HOOK3: variants seen among roughly 807,000 people sequenced by gnomAD.
The protein encoded by HOOK3 is protein Hook homolog 3.
HOOK3 carries 24 observed loss-of-function variants against 116.3 expected under a neutral mutation model. That is an observed-to-expected ratio of 0.21 (90% CI 0.15 to 0.29). The LOEUF is 0.29. Among genes scored for constraint, HOOK3 ranks in the 10% least tolerant of loss-of-function variants. The pLI is 1.00. For synonymous variants in HOOK3, 275 were observed against 283.0 expected, an observed-to-expected ratio of 0.97 and a Z score of 0.28; for missense variants, 632 against 830.2, an observed-to-expected ratio of 0.76 and a Z score of 2.93.
rs78679433 is a variant in HOOK3 at position 42,947,623 on chromosome 8, C to T, written c.401-2765C>T. On this transcript the variant is annotated intron_variant, in intron 5 of 21. Coordinates refer to ENST00000307602, the MANE Select transcript of HOOK3 (RefSeq NM_032410.4). ...TCTCATTTGTCTAGATTTAGGACAT[C>T]CTCTGCTCTCAGGAACATAGTAGAG... is the stretch of plus-strand genomic sequence containing the variant. Among the ~76,000 whole-genome samples, 735 of 152,270 alleles carry T rather than the reference C, an allele frequency of 4.8e-3. 11 individuals carry two copies. Among genetic ancestry groups the T allele is most frequent in the African/African-American group, 0.017 (701 of 41,554 alleles).
intron 1 of HOOK3, among the ~76,000 whole-genome samples, chr8:42,905,324 T>G (rs2130320091): frequency 8.7e-6 from 1 of 115,238 alleles, no homozygotes; most frequent in East Asian, 2.5e-4. Context: ...GTTTCTTTTT[T>G]TGGGGGGGGG....
chr8:42,964,494 A>G lies in HOOK3; in HGVS notation c.779+20A>G, dbSNP rs1488678450. 2 of 1,604,392 alleles carry G rather than the reference A, an allele frequency of 1.2e-6. No individual in the cohort carries two copies. The highest frequency in any genetic ancestry group is 2.7e-5 in the African/African-American group (2 of 74,068). On this transcript the variant is annotated intron_variant, in intron 9 of 21. Transcript: ENST00000307602. Reference sequence around the variant, plus strand: ...ATTCAGGTAAAAGACAACTCATTAAAATCTGATTTTTAAAAATTTGTTAGC... The same window carrying G: ...ATTCAGGTAAAAGACAACTCATTAAGATCTGATTTTTAAAAATTTGTTAGC...
At chr8:43,000,125 G>A in intron 16 of HOOK3, 1 of 458,588 alleles carries the variant, frequency 2.2e-6, no homozygotes. Context: ...TCCAGCCTGG[G>A]CAACAGAGCG....
chr8:42,944,452 A>C (rs1648539502), intron 5 of HOOK3, among the ~76,000 whole-genome samples: 1 of 152,110 alleles, frequency 6.6e-6, no homozygotes, highest in Admixed American at 6.6e-5. Context: ...ATTTTGTAGT[A>C]ACATACTCTG....
chr8:42,981,352 C>G (rs1460513788), intron 13 of HOOK3, among the ~76,000 whole-genome samples: 1 of 151,838 alleles, frequency 6.6e-6, no homozygotes, highest in Non-Finnish European at 1.5e-5. Flanking sequence ...CACACCCAGC[C>G]AAAAATAGTG....
intron 1 of HOOK3, among the ~76,000 whole-genome samples, chr8:42,898,211 TAAAA>T (rs1411394364): frequency 1.3e-5 from 2 of 152,192 alleles, no homozygotes; most frequent in Admixed American, 6.5e-5. Context: ...CGTTGGTTGT[TAAAA>T]AAATTAATAA....
intron 13 of HOOK3, among the ~76,000 whole-genome samples, chr8:42,981,622 G>A (rs1307758362): frequency 2.6e-5 from 4 of 152,108 alleles, no homozygotes; most frequent in African/African-American, 7.2e-5. Flanking sequence ...GGTGGCTCAC[G>A]CCTTTAATCC....
At chr8:42,897,389 C>G in intron 1 of HOOK3, 1 of 371,836 alleles carries the variant, frequency 2.7e-6, no homozygotes, top group Non-Finnish European at 4.7e-6. Context: ...GGGCGGACCC[C>G]GGCCGGGGCT....
intron 15 of HOOK3, among the ~76,000 whole-genome samples, chr8:42,989,395 G>C (rs975681518): frequency 6.6e-6 from 1 of 152,156 alleles, no homozygotes; most frequent in Non-Finnish European, 1.5e-5. Context: ...GCACACTTAA[G>C]TCTTTTAAAC....
At chr8:42,934,431 T>C (rs1807927377) in intron 4 of HOOK3, among the ~76,000 whole-genome samples, 1 of 152,212 alleles carries the variant, frequency 6.6e-6, no homozygotes, top group Non-Finnish European at 1.5e-5. Flanking sequence ...CTGAGATACA[T>C]GTGCAGAACG....
At chr8:42,905,454 G>C (rs1350034632) in intron 1 of HOOK3, among the ~76,000 whole-genome samples, 11 of 151,990 alleles carry the variant, frequency 7.2e-5, no homozygotes, top group Non-Finnish European at 1.5e-5. Flanking sequence ...AGTAATGGAG[G>C]CAGCATACTT....
chr8:43,015,167 C>A (rs117496608), intron 21 of HOOK3, among the ~76,000 whole-genome samples: 2,325 of 152,048 alleles, frequency 0.015, 31 homozygotes, highest in Non-Finnish European at 0.022. Flanking sequence ...AACTGCATAT[C>A]TAAGATTTTA....
rs1470106444 is a variant in HOOK3 at position 43,019,001 on chromosome 8, GTTCT to G, written c.*506_*509del. 2.9e-5 allele frequency: 6 copies of G among 208,718 alleles called. No individual in the cohort carries two copies. The highest frequency in any genetic ancestry group is 1.4e-4 in the African/African-American group (6 of 43,988). The allele number at this position is 208,718 out of a possible 1,614,324, so 12.9% of individuals were successfully genotyped here. On this transcript the variant is annotated 3_prime_UTR_variant, in exon 22 of 22. Coordinates refer to ENST00000307602, the MANE Select transcript of HOOK3 (RefSeq NM_032410.4). ...TTACTATACAAAATGGTTGACAAGT[GTTCT>G]TTTTGCAAAGACTTGAATACATTGG...
Position 42,904,634 on chromosome 8 carries a change from A to T in HOOK3, c.58-1539A>T, listed in dbSNP as rs565175314. Among the ~76,000 whole-genome samples, 10 of 152,152 alleles carry T rather than the reference A, an allele frequency of 6.6e-5. 1 individual carries two copies. In the East Asian group the frequency reaches 1.9e-3, roughly 29 times the overall value. ...CCAGATCTTATATTAATACAATGCA[A>T]ACCTCATGGCTCACTCCCCTGGTTC... On this transcript the variant is annotated intron_variant, in intron 1 of 21. Coordinates refer to ENST00000307602, the MANE Select transcript of HOOK3 (RefSeq NM_032410.4).
rs1178893127 is a variant in HOOK3, at chr8:43,026,803, A to G, written c.*8305A>G. ...GGAAGAGGTGACTGGAAAGGCAGGC[A>G]CTAAAGATGGCAGGCTGCAAAAGCA... On this transcript the variant is annotated 3_prime_UTR_variant, in exon 22 of 22. Transcript: ENST00000307602. 4.4e-6 allele frequency: 1 copy of G among 225,672 alleles called. No individual in the cohort carries two copies. The highest frequency in any genetic ancestry group is 8.8e-6 in the Non-Finnish European group (1 of 113,298). The allele number at this position is 225,672 out of a possible 1,614,324, so 14.0% of individuals were successfully genotyped here.
intron 15 of HOOK3, among the ~76,000 whole-genome samples, chr8:42,996,326 C>T (rs1248728218): frequency 7.0e-6 from 1 of 143,296 alleles, no homozygotes; most frequent in Non-Finnish European, 1.5e-5. Context: ...GCGGAGGTTG[C>T]AGTGAGCTGA....
chr8:42,916,138 CT>C (rs1472917759), intron 2 of HOOK3, among the ~76,000 whole-genome samples: 2 of 152,224 alleles, frequency 1.3e-5, no homozygotes, highest in Admixed American at 1.3e-4. Flanking sequence ...TCCAGCACCC[CT>C]GACATTGGTC....
At chr8:43,011,031 C>G (rs559135994) in intron 19 of HOOK3, among the ~76,000 whole-genome samples, 29 of 151,490 alleles carry the variant, frequency 1.9e-4, no homozygotes, top group Non-Finnish European at 2.8e-4. Context: ...CTCGCTCTGT[C>G]GCCCAGGCTG....
chr8:42,950,793 C>G (rs1012172402), intron 6 of HOOK3, among the ~76,000 whole-genome samples: 2 of 151,844 alleles, frequency 1.3e-5, no homozygotes, highest in African/African-American at 2.4e-5. Context: ...TCAAGTGATT[C>G]TCCTGCCTCA....
Sources: allele counts gnomAD v4.1 joint callset (sites outside exome capture counted in the v4.1 genomes callset), GRCh38; gene constraint gnomAD v4.1.1; transcripts MANE v1.5; gene names NCBI Gene and HGNC (gene_info 2026-07-23, HGNC 2026-07-21).